The following USP15 variants were observed in gnomAD, a reference collection of about 807,000 sequenced individuals.
USP15 encodes the protein ubiquitin specific peptidase 15.
A neutral mutation model predicts 127.1 loss-of-function variants in USP15; 18 were observed. That is an observed-to-expected ratio of 0.14 (90% CI 0.10 to 0.21). The LOEUF is 0.21. Among genes scored for constraint, USP15 ranks in the 10% least tolerant of loss-of-function variants. The probability of loss-of-function intolerance (pLI) is 1.00; values close to 1 mark genes in which losing one functional copy is unlikely to be tolerated. For synonymous variants in USP15, 364 were observed against 393.7 expected (o/e 0.92, Z 0.89); for missense variants, 805 against 1,159.9 (o/e 0.69, Z 4.44).
intron 3 of USP15, among the ~76,000 whole-genome samples, chr12:62,309,195 A>C (rs1404565357): frequency 6.6e-6 from 1 of 152,128 alleles, no homozygotes; most frequent in Non-Finnish European, 1.5e-5. Flanking sequence ...GGATTGTTTA[A>C]GAATAAAAAG....
At chr12:62,355,108 G>A in intron 7 of USP15, 4 of 347,890 alleles carry the variant, frequency 1.1e-5, no homozygotes, top group Non-Finnish European at 2.1e-5. Context: ...GTATTGGTTG[G>A]TGTGGTATAT....
intron 8 of USP15, among the ~76,000 whole-genome samples, chr12:62,358,168 AAG>A (rs550716807): frequency 3.3e-4 from 50 of 152,274 alleles, no homozygotes; most frequent in Admixed American, 1.4e-3. Context: ...TTAAAAAAAA[AAG>A]AGTGTAAAAA....
At chr12:62,399,384 G>A (rs1339661166) in intron 20 of USP15, among the ~76,000 whole-genome samples, 1 of 152,136 alleles carries the variant, frequency 6.6e-6, no homozygotes, top group Non-Finnish European at 1.5e-5. Flanking sequence ...AGTTCATGGG[G>A]TACAGTCATA....
chr12:62,281,718 C>G (rs560229273), intron 1 of USP15, among the ~76,000 whole-genome samples: 1 of 151,112 alleles, frequency 6.6e-6, no homozygotes, highest in South Asian at 2.1e-4. Context: ...ATATGGTGCC[C>G]TTTTTCAATT....
chr12:62,267,756 G>A (rs2063232476), intron 1 of USP15, among the ~76,000 whole-genome samples: 1 of 151,990 alleles, frequency 6.6e-6, no homozygotes, highest in South Asian at 2.1e-4. Context: ...CTGAGGCCAG[G>A]GTATTCTAAG....
intron 6 of USP15, chr12:62,336,670 C>A: frequency 3.5e-6 from 1 of 289,296 alleles, no homozygotes; most frequent in Non-Finnish European, 5.2e-6. Flanking sequence ...TATTCCAAAA[C>A]AATAAAATTA....
intron 1 of USP15, among the ~76,000 whole-genome samples, chr12:62,279,345 A>G (rs1482723180): frequency 1.3e-5 from 2 of 152,154 alleles, no homozygotes; most frequent in African/African-American, 2.4e-5. Context: ...TTTCAGGCTA[A>G]ATAGTACTCC....
At chr12:62,288,305 C>G (rs1362151408) in intron 1 of USP15, among the ~76,000 whole-genome samples, 1 of 134,114 alleles carries the variant, frequency 7.5e-6, no homozygotes, top group African/African-American at 2.8e-5. Flanking sequence ...TTATAGAGGT[C>G]TTTCACCTCC....
chr12:62,321,356 G>A, intron 4 of USP15, 108 bp from the exon 5 acceptor site: 1 of 647,528 alleles, frequency 1.5e-6, no homozygotes, highest in Non-Finnish European at 2.3e-6. Flanking sequence ...ATTTAGTCTT[G>A]ATTTTCTATT....
intron 1 of USP15, among the ~76,000 whole-genome samples, chr12:62,273,568 A>G (rs1431297067): frequency 6.6e-6 from 1 of 152,124 alleles, no homozygotes; most frequent in Non-Finnish European, 1.5e-5. Context: ...TTTAGAATTT[A>G]TATCTACTCA....
intron 6 of USP15, among the ~76,000 whole-genome samples, chr12:62,336,962 T>A (rs2065486580): frequency 6.6e-6 from 1 of 152,240 alleles, no homozygotes; most frequent in Non-Finnish European, 1.5e-5. Flanking sequence ...TATTAAAATC[T>A]TTCAAATGTA....
intron 1 of USP15, among the ~76,000 whole-genome samples, chr12:62,271,441 C>T (rs962055176): frequency 6.6e-6 from 1 of 151,820 alleles, no homozygotes; most frequent in Non-Finnish European, 1.5e-5. Flanking sequence ...TATATAGATG[C>T]TCGTTATTAT....
chr12:62,320,243 T>C (rs2064947360), intron 4 of USP15, among the ~76,000 whole-genome samples: 2 of 152,160 alleles, frequency 1.3e-5, no homozygotes, highest in Non-Finnish European at 2.9e-5. Flanking sequence ...CCCCTTGCTG[T>C]TCTTGTGATA....
In USP15 at chr12:62,391,413, G is replaced by A. The variant is rs775823132; in HGVS notation, c.2217G>A (p.Arg739=). Reference sequence around the variant, plus strand: ...CCAGGCATATAAGATTTGATGATAGGCAGCTTAGGCTAGATGGTAAGTATT... The same window carrying A: ...CCAGGCATATAAGATTTGATGATAGACAGCTTAGGCTAGATGGTAAGTATT... ...DDTRHIRFDD[R]QLRLDERSFL... Residue 739 remains arginine (R), a synonymous_variant, in exon 16 of 22, where the codon AGG becomes AGA. Transcript: ENST00000280377. 5.0e-6 allele frequency: 8 copies of A among 1,610,794 alleles called. No homozygotes were observed. The highest frequency in any genetic ancestry group is 1.7e-4 in the Middle Eastern group (1 of 6,044).
At chr12:62,285,821 C>T (rs987185315) in intron 1 of USP15, among the ~76,000 whole-genome samples, 5 of 152,062 alleles carry the variant, frequency 3.3e-5, no homozygotes, top group Non-Finnish European at 5.9e-5. Flanking sequence ...ATTACTAGAT[C>T]CAGTGATAGT....
chr12:62,389,047 C>T (rs970262302), intron 11 of USP15, among the ~76,000 whole-genome samples: 1 of 149,820 alleles, frequency 6.7e-6, no homozygotes, highest in Non-Finnish European at 1.5e-5. Context: ...ATGGCTTGAG[C>T]CCGGGAGGTT....
chr12:62,278,682 A>C (rs555601537), intron 1 of USP15: 1 of 152,344 alleles, frequency 6.6e-6, no homozygotes, highest in South Asian at 2.1e-4. Flanking sequence ...ATGGAGTTAC[A>C]GCCTGCTAAA....
chr12:62,342,104 A>G (rs2065666096), intron 6 of USP15, among the ~76,000 whole-genome samples: 1 of 151,944 alleles, frequency 6.6e-6, no homozygotes. Flanking sequence ...GGCTTTGTTC[A>G]TTCCTTTTCA....
rs114126173 is a variant in USP15 at position 62,358,101 on chromosome 12, G to A, written c.915+2626G>A. Among the ~76,000 whole-genome samples, 473 of 151,724 alleles carry A rather than the reference G, an allele frequency of 3.1e-3. 1 individual carries two copies. Among genetic ancestry groups the A allele is most frequent in the African/African-American group, 0.011 (446 of 41,372 alleles). On this transcript the variant is annotated intron_variant, in intron 8 of 21. Coordinates refer to ENST00000280377, the MANE Select transcript of USP15 (RefSeq NM_001252078.2). Reference sequence around the variant, plus strand: ...ATGTAACCTCTTAAATTAATTCAGTGTCCTCCAAATTTAAGTGATCATTTC... The same window carrying A: ...ATGTAACCTCTTAAATTAATTCAGTATCCTCCAAATTTAAGTGATCATTTC...
Sources: gnomAD v4.1 joint callset for allele counts (sites outside exome capture counted in the v4.1 genomes callset) on GRCh38, gnomAD v4.1.1 for gene constraint, MANE v1.5 for transcripts, NCBI Gene and HGNC (gene_info 2026-07-23, HGNC 2026-07-21) for gene names.